ZFAND3: variants seen among roughly 807,000 people sequenced by gnomAD.
ZFAND3 encodes zinc finger AN1-type containing 3, also known as AN1-type zinc finger protein 3.
Under a neutral mutation model 29.6 loss-of-function variants are expected in ZFAND3, and 10 were observed. That is an observed-to-expected ratio of 0.34 (90% CI 0.21 to 0.57). The LOEUF (loss-of-function observed/expected upper bound fraction) is 0.57, where lower values mean the gene tolerates loss of function less well. ZFAND3 is among the 20% of genes least tolerant of loss of function. ZFAND3 has a pLI of 0.86. For missense variants in ZFAND3, 230 were observed against 304.5 expected (o/e 0.76, Z 1.82); for synonymous variants, 128 against 112.6 (o/e 1.14, Z -0.87).
At chr6:37,897,361 T>C (rs1043604637) in intron 1 of ZFAND3, among the ~76,000 whole-genome samples, 32 of 152,368 alleles carry the variant, frequency 2.1e-4, no homozygotes, top group African/African-American at 7.7e-4. Context: ...TTGTTGCTTA[T>C]GGTAGTAATT....
chr6:37,875,144 T>G (rs1461644118), intron 1 of ZFAND3, among the ~76,000 whole-genome samples: 1 of 152,206 alleles, frequency 6.6e-6, no homozygotes, highest in Non-Finnish European at 1.5e-5. Flanking sequence ...GATTATGTCT[T>G]CTCAGACATT....
At chr6:37,869,774 A>G (rs1764659273) in intron 1 of ZFAND3, among the ~76,000 whole-genome samples, 1 of 151,666 alleles carries the variant, frequency 6.6e-6, no homozygotes. Flanking sequence ...TGCCTCACAA[A>G]GTGCTGGTAT....
intron 1 of ZFAND3, chr6:37,832,867 T>G (rs1424142245): frequency 1.3e-5 from 2 of 152,232 alleles, no homozygotes; most frequent in African/African-American, 4.8e-5. Context: ...CTTTTTTTTT[T>G]GTAGAGATGG....
At chr6:37,895,459 CTTTTTTTTTTT>C (rs11331881) in intron 1 of ZFAND3, among the ~76,000 whole-genome samples, 6 of 76,772 alleles carry the variant, frequency 7.8e-5, no homozygotes, top group African/African-American at 2.6e-4. Context: ...CTCAGAGGTT[CTTTTTTTTTTT>C]TTTTTTTTTT....
intron 2 of ZFAND3, among the ~76,000 whole-genome samples, chr6:37,967,492 A>G (rs1264163941): frequency 3.9e-5 from 6 of 152,230 alleles, no homozygotes; most frequent in Non-Finnish European, 8.8e-5. Flanking sequence ...AGAAGCCAGG[A>G]TCTGGGTAAC....
intron 2 of ZFAND3, among the ~76,000 whole-genome samples, chr6:38,034,597 A>T (rs1199504408): frequency 6.6e-6 from 1 of 152,174 alleles, no homozygotes; most frequent in Admixed American, 6.5e-5. Flanking sequence ...AATAAACAAG[A>T]TCATTTTTTC....
chr6:38,116,714 G>A lies in ZFAND3; in HGVS notation c.504G>A (p.Gln168=), dbSNP rs145284988. The change falls in exon 5 of 6, where the codon CAG becomes CAA. Residue 168 remains glutamine, a synonymous_variant. Coordinates refer to ENST00000287218, the MANE Select transcript of ZFAND3 (RefSeq NM_021943.3). ...FQCQTKLELV[Q]QELGSCRCGY... is the part of the protein sequence containing the mutation. ...GCCAAACCAAACTGGAGCTGGTGCAGCAGGAATTGGGATCGTGTCGCTGCG... is the reference window on the plus strand; with the variant it reads ...GCCAAACCAAACTGGAGCTGGTGCAACAGGAATTGGGATCGTGTCGCTGCG... 3.1e-6 allele frequency: 5 copies of A among 1,613,964 alleles called. No individual in the cohort carries two copies. The highest frequency in any genetic ancestry group is 3.4e-6 in the Non-Finnish European group (4 of 1,179,956).
chr6:38,003,251 A>G (rs534447133), intron 2 of ZFAND3: 2 of 153,538 alleles, frequency 1.3e-5, no homozygotes, highest in Non-Finnish European at 2.9e-5. Flanking sequence ...ATTCTTCCAC[A>G]TGCTGAACTA....
intron 2 of ZFAND3, among the ~76,000 whole-genome samples, chr6:38,037,287 T>A (rs1763677478): frequency 6.6e-6 from 1 of 152,236 alleles, no homozygotes; most frequent in Non-Finnish European, 1.5e-5. Flanking sequence ...AACCAATTCG[T>A]GGTGTAGCCT....
intron 1 of ZFAND3, among the ~76,000 whole-genome samples, chr6:37,846,996 C>A (rs1158427839): frequency 1.3e-5 from 2 of 151,918 alleles, no homozygotes; most frequent in African/African-American, 4.8e-5. Context: ...CAGGCTTGAG[C>A]CACTGTGCCT....
At chr6:37,869,447 C>T (rs996846177) in intron 1 of ZFAND3, among the ~76,000 whole-genome samples, 9 of 151,756 alleles carry the variant, frequency 5.9e-5, no homozygotes, top group Non-Finnish European at 1.3e-4. Context: ...CGTCAGCCAC[C>T]GTGCCTGGCC....
At chr6:37,881,889 TAAG>T (rs1410760471) in intron 1 of ZFAND3, among the ~76,000 whole-genome samples, 4 of 152,204 alleles carry the variant, frequency 2.6e-5, no homozygotes, top group Non-Finnish European at 4.4e-5. Context: ...TAGTATATGG[TAAG>T]AAGTACAACG....
intron 2 of ZFAND3, among the ~76,000 whole-genome samples, chr6:37,974,639 T>A (rs533833408): frequency 6.6e-6 from 1 of 152,190 alleles, no homozygotes; most frequent in African/African-American, 2.4e-5. Flanking sequence ...CAAGCGATTG[T>A]CCCACCTTGG....
chr6:38,030,858 ATTG>A (rs1460898804), intron 2 of ZFAND3, among the ~76,000 whole-genome samples: 1 of 152,198 alleles, frequency 6.6e-6, no homozygotes, highest in Non-Finnish European at 1.5e-5. Context: ...ATGAAGTAAA[ATTG>A]TTGTTTAAAT....
At chr6:38,083,247 C>T (rs1764696953) in intron 4 of ZFAND3, among the ~76,000 whole-genome samples, 2 of 152,118 alleles carry the variant, frequency 1.3e-5, no homozygotes, top group Non-Finnish European at 2.9e-5. Context: ...AACCTCAGCT[C>T]CTTTAAATGC....
intron 2 of ZFAND3, among the ~76,000 whole-genome samples, chr6:38,025,799 A>G (rs1395531655): frequency 6.6e-6 from 1 of 152,196 alleles, no homozygotes; most frequent in African/African-American, 2.4e-5. Flanking sequence ...TTTCACTTAT[A>G]TGAAATGTCC....
intron 1 of ZFAND3, among the ~76,000 whole-genome samples, chr6:37,853,890 G>T (rs1210196178): frequency 1.3e-5 from 2 of 152,140 alleles, no homozygotes; most frequent in African/African-American, 4.8e-5. Context: ...ATTATAATAA[G>T]AATGTATTTT....
At chr6:37,846,572 C>T (rs1210218931) in intron 1 of ZFAND3, among the ~76,000 whole-genome samples, 6 of 152,110 alleles carry the variant, frequency 3.9e-5, no homozygotes, top group South Asian at 4.2e-4. Flanking sequence ...TACTCTTGGA[C>T]GTTGCAGATA....
chr6:37,981,052 AG>A (rs962404896), intron 2 of ZFAND3, among the ~76,000 whole-genome samples: 1 of 152,246 alleles, frequency 6.6e-6, no homozygotes, highest in Non-Finnish European at 1.5e-5. Flanking sequence ...AGCAAGGAGC[AG>A]GGGGTACATT....
Sources: gnomAD v4.1 joint callset for allele counts (sites outside exome capture counted in the v4.1 genomes callset) on GRCh38, gnomAD v4.1.1 for gene constraint, MANE v1.5 for transcripts, NCBI Gene and HGNC (gene_info 2026-07-23, HGNC 2026-07-21) for gene names.